ANK2: variants seen among roughly 807,000 people sequenced by gnomAD.
ANK2 encodes the protein ankyrin 2, also known as ankyrin-2.
ANK2 carries 83 observed loss-of-function variants against 360.5 expected under a neutral mutation model. That is an observed-to-expected ratio of 0.23 (90% confidence interval 0.19 to 0.28). The LOEUF (loss-of-function observed/expected upper bound fraction) is 0.28, where lower values mean the gene tolerates loss of function less well. ANK2 is among the 10% of genes least tolerant of loss of function. ANK2 has a pLI of 1.00. For missense variants in ANK2, 4,201 were observed against 4,795.7 expected (o/e 0.88, Z 3.66); for synonymous variants, 1,740 against 1,759.5 (o/e 0.99, Z 0.28).
chr4:113,108,147 A>T (rs192679457), intron 1 of ANK2, among the ~76,000 whole-genome samples: 3 of 152,304 alleles, frequency 2.0e-5, no homozygotes, highest in Admixed American at 2.0e-4. Context: ...TGTTTTTAAA[A>T]ATAAACAATA....
chr4:113,117,150 G>C (rs1222036644), intron 1 of ANK2: 1 of 378,550 alleles, frequency 2.6e-6, no homozygotes, highest in Non-Finnish European at 5.2e-6. Context: ...GGGCGGAGTG[G>C]ATTATCTTGT....
At chr4:113,200,742 G>T (rs1402773409) in intron 4 of ANK2, among the ~76,000 whole-genome samples, 2 of 152,078 alleles carry the variant, frequency 1.3e-5, no homozygotes, top group African/African-American at 4.8e-5. Flanking sequence ...TGAACACTTA[G>T]GTTGATTCCA....
At chr4:113,348,067 T>G in intron 35 of ANK2, 1 of 585,790 alleles carries the variant, frequency 1.7e-6, no homozygotes, top group East Asian at 2.8e-5. Context: ...CTTTTGTCTC[T>G]TGAATCTATA....
chr4:112,770,649 T>G, the ANK2 span, among the ~76,000 whole-genome samples: 35 of 151,236 alleles, frequency 2.3e-4, no homozygotes, highest in Middle Eastern at 3.4e-3. Context: ...GAGGTTGCAG[T>G]GAACTGAGAT....
intron 1 of ANK2, among the ~76,000 whole-genome samples, chr4:112,875,050 T>C (rs917356696): frequency 1.3e-5 from 2 of 152,026 alleles, no homozygotes; most frequent in Non-Finnish European, 2.9e-5. Context: ...TTTTTTTTTT[T>C]TTTTTGAGAC....
chr4:113,206,866 A>G (rs994677424), intron 4 of ANK2, among the ~76,000 whole-genome samples: 6 of 152,200 alleles, frequency 3.9e-5, no homozygotes, highest in African/African-American at 1.4e-4. Flanking sequence ...TGTACTAAAA[A>G]TACAAAAATT....
intron 1 of ANK2, among the ~76,000 whole-genome samples, chr4:112,876,747 A>G (rs894465569): frequency 1.8e-4 from 28 of 152,134 alleles, no homozygotes; most frequent in African/African-American, 6.5e-4. Flanking sequence ...AGAAGAAGTA[A>G]TTTTTATCAT....
intron 2 of ANK2, among the ~76,000 whole-genome samples, chr4:112,954,661 A>C (rs2095247296): frequency 6.6e-6 from 1 of 152,216 alleles, no homozygotes; most frequent in African/African-American, 2.4e-5. Flanking sequence ...TTTCTAAATA[A>C]ATAAGAATAG....
chr4:112,810,141 ATATATATATATATATATATTTTTTTT>A, the ANK2 span, among the ~76,000 whole-genome samples: 2 of 26,058 alleles, frequency 7.7e-5, no homozygotes, highest in African/African-American at 2.4e-4. Context: ...ATATATATAT[ATATATATATATATATATATTTTTTTT>A]TTTTTTTTTT....
chr4:113,107,615 T>G lies in ANK2; in HGVS notation c.84+57803T>G, dbSNP rs75531235. ...ATCAGCAATCTCTTTGCACACACACTATCTCTGGGGATGAGTCTATCTATT... is the reference window on the plus strand; with the variant it reads ...ATCAGCAATCTCTTTGCACACACACGATCTCTGGGGATGAGTCTATCTATT... On this transcript the variant is annotated intron_variant, in intron 1 of 45. Transcript: ENST00000357077. Among the ~76,000 whole-genome samples the G allele has an allele frequency of 1.8e-4, 28 of 152,336 alleles. 1 individual carries two copies. The highest frequency in any genetic ancestry group is 1.7e-3 in the Admixed American group (26 of 15,284).
intron 1 of ANK2, among the ~76,000 whole-genome samples, chr4:112,820,312 G>T (rs2056632777): frequency 6.6e-6 from 1 of 152,160 alleles, no homozygotes; most frequent in Non-Finnish European, 1.5e-5. Flanking sequence ...AACTGGACCA[G>T]ACCCTATTAG....
At chr4:113,004,268 A>C (rs1308055729) in intron 2 of ANK2, among the ~76,000 whole-genome samples, 3 of 152,216 alleles carry the variant, frequency 2.0e-5, no homozygotes, top group African/African-American at 7.2e-5. Context: ...ACTCTTTTAT[A>C]ATAACATTTA....
At chr4:113,274,347 G>T in intron 14 of ANK2, 105 bp from the exon 15 acceptor site, 5 of 1,281,642 alleles carry the variant, frequency 3.9e-6, no homozygotes, top group South Asian at 3.6e-5. Context: ...TTTGGGTGGG[G>T]TTCCTAGAGA....
chr4:113,239,840 T>C (rs905166052), intron 7 of ANK2, among the ~76,000 whole-genome samples: 1 of 152,164 alleles, frequency 6.6e-6, no homozygotes, highest in Non-Finnish European at 1.5e-5. Context: ...TTTTTCTTCC[T>C]TTTATATTCC....
chr4:113,369,415 T>C, intron 42 of ANK2, 99 bp from the exon 43 acceptor site: 3 of 1,273,050 alleles, frequency 2.4e-6, no homozygotes, highest in South Asian at 1.2e-5. Context: ...TGTCATAGAC[T>C]ATGGAAAAAC....
Position 112,854,767 on chromosome 4 carries a change from G to C in ANK2, c.-40+36503G>C, listed in dbSNP as rs138514328. Reference sequence around the variant, plus strand: ...TTCATAGTGGATATGTAGTTTCAGGGTTTGGCTGAGGACTGGTAGTCCAGA... The same window carrying C: ...TTCATAGTGGATATGTAGTTTCAGGCTTTGGCTGAGGACTGGTAGTCCAGA... On this transcript the variant is annotated intron_variant, in intron 1 of 30. Coordinates refer to the ANK2 transcript ENST00000503271. Among the ~76,000 whole-genome samples, 82 of 152,264 alleles carry C rather than the reference G, an allele frequency of 5.4e-4. 1 individual carries two copies. In the East Asian group the frequency reaches 0.014, roughly 27 times the overall value.
the ANK2 span, among the ~76,000 whole-genome samples, chr4:112,730,866 C>T: frequency 6.7e-6 from 1 of 150,256 alleles, no homozygotes; most frequent in Non-Finnish European, 1.5e-5. Context: ...AAAGAGCAGG[C>T]GCGGTGGCTA....
chr4:113,068,055 A>G (rs2154338582), intron 1 of ANK2, among the ~76,000 whole-genome samples: 1 of 152,288 alleles, frequency 6.6e-6, no homozygotes. Context: ...GCCATTCCCA[A>G]AGAAAGCCAA....
intron 2 of ANK2, among the ~76,000 whole-genome samples, chr4:113,188,482 A>T (rs1187589346): frequency 1.3e-5 from 2 of 152,180 alleles, no homozygotes; most frequent in Admixed American, 1.3e-4. Flanking sequence ...GTCCCCTAAG[A>T]AAATACATCT....
Sources: gnomAD v4.1 joint callset for allele counts (sites outside exome capture counted in the v4.1 genomes callset) on GRCh38, gnomAD v4.1.1 for gene constraint, MANE v1.5 for transcripts, NCBI Gene and HGNC (gene_info 2026-07-23, HGNC 2026-07-21) for gene names.